Variants in NXPE2 observed in about 807,000 individuals in gnomAD.
The protein encoded by NXPE2 is NXPE family member 2.
A neutral mutation model predicts 34.4 loss-of-function variants in NXPE2; 34 were observed. The observed-to-expected ratio is 0.99, with a 90% CI of 0.75 to 1.31. NXPE2 has a LOEUF of 1.31. Among genes scored for constraint, NXPE2 ranks in the 40% most tolerant of loss-of-function variants. NXPE2 has a pLI of 0.00. For missense variants in NXPE2, 649 were observed against 672.5 expected, an observed-to-expected ratio of 0.97 and a Z score of 0.39; for synonymous variants, 235 against 231.3, an observed-to-expected ratio of 1.02 and a Z score of -0.15.
the NXPE2 span, among the ~76,000 whole-genome samples, chr11:114,547,940 C>T: frequency 6.6e-6 from 1 of 151,762 alleles, no homozygotes; most frequent in African/African-American, 2.4e-5. Flanking sequence ...AATATTCTTA[C>T]AATTTTTCTG....
the NXPE2 span, among the ~76,000 whole-genome samples, chr11:114,503,906 ACTGGCCTCTCCCATGGCCCCAGC>A: frequency 6.6e-6 from 1 of 152,210 alleles, no homozygotes; most frequent in Admixed American, 6.5e-5. Flanking sequence ...TCTTTGGTCT[ACTGGCCTCTCCCATGGCCCCAGC>A]CTGGCCTTGC....
At chr11:114,789,629 A>G in the NXPE2 span, among the ~76,000 whole-genome samples, 2 of 152,298 alleles carry the variant, frequency 1.3e-5, no homozygotes, top group East Asian at 1.9e-4. Context: ...GGGTGGTACA[A>G]TGGGGCAGTG....
At chr11:114,705,182 G>A (rs535977225) in intron 4 of NXPE2, among the ~76,000 whole-genome samples, 4 of 152,242 alleles carry the variant, frequency 2.6e-5, no homozygotes, top group Admixed American at 2.0e-4. Context: ...TTCAGAACAG[G>A]GAGGTCATGA....
At chr11:114,705,688 A>C in intron 4 of NXPE2, 93 bp from the exon 5 acceptor site, 2 of 696,728 alleles carry the variant, frequency 2.9e-6, no homozygotes, top group Admixed American at 7.8e-5. Flanking sequence ...AAGGGGGAGG[A>C]AAAAGAGGAA....
the NXPE2 span, among the ~76,000 whole-genome samples, chr11:114,567,258 C>T: frequency 6.6e-6 from 1 of 152,054 alleles, no homozygotes; most frequent in Non-Finnish European, 1.5e-5. Flanking sequence ...CTTGCATGGG[C>T]ACTCGATTCC....
chr11:114,467,527 T>G, the NXPE2 span, among the ~76,000 whole-genome samples: 1 of 151,516 alleles, frequency 6.6e-6, no homozygotes, highest in Non-Finnish European at 1.5e-5. Context: ...AAATGAGCCC[T>G]GGAAATAGGG....
At chr11:114,611,606 C>G in the NXPE2 span, among the ~76,000 whole-genome samples, 7 of 148,184 alleles carry the variant, frequency 4.7e-5, no homozygotes, top group East Asian at 1.0e-3. Flanking sequence ...GGTCACAATT[C>G]TTACCCTGTG....
chr11:114,610,866 C>A, the NXPE2 span, among the ~76,000 whole-genome samples: 1 of 151,738 alleles, frequency 6.6e-6, no homozygotes, highest in Non-Finnish European at 1.5e-5. Context: ...CACTGTTCCC[C>A]GGGGGAAAAT....
the NXPE2 span, among the ~76,000 whole-genome samples, chr11:114,499,264 G>C: frequency 6.6e-6 from 1 of 152,026 alleles, no homozygotes; most frequent in Admixed American, 6.6e-5. Flanking sequence ...GTTTTCTGTT[G>C]TTTAAATCTG....
At chr11:114,690,957 A>G (rs1001525922) in intron 2 of NXPE2, among the ~76,000 whole-genome samples, 1 of 151,982 alleles carries the variant, frequency 6.6e-6, no homozygotes, top group Admixed American at 6.6e-5. Context: ...TAGTACAGCT[A>G]TGTCATCTTC....
the NXPE2 span, among the ~76,000 whole-genome samples, chr11:114,632,471 T>C: frequency 2.3e-5 from 3 of 128,608 alleles, no homozygotes; most frequent in Non-Finnish European, 4.7e-5. Flanking sequence ...ACATTATATA[T>C]ACTATATAAT....
chr11:114,547,488 A>G, the NXPE2 span, among the ~76,000 whole-genome samples: 1 of 152,216 alleles, frequency 6.6e-6, no homozygotes, highest in Non-Finnish European at 1.5e-5. Context: ...TAATCCCAGC[A>G]CTTTGGGAGG....
At chr11:114,571,325 G>C in the NXPE2 span, 3 of 1,614,026 alleles carry the variant, frequency 1.9e-6, no homozygotes, top group Non-Finnish European at 1.7e-6. Context: ...TGGCCCGGGT[G>C]AGGTACTCCA....
At chr11:114,651,377 T>G in the NXPE2 span, among the ~76,000 whole-genome samples, 3 of 152,104 alleles carry the variant, frequency 2.0e-5, no homozygotes, top group Non-Finnish European at 4.4e-5. Context: ...GGTGGGTTCG[T>G]GGTCTCGTGG....
At chr11:114,575,603 T>C in the NXPE2 span, among the ~76,000 whole-genome samples, 1 of 150,258 alleles carries the variant, frequency 6.7e-6, no homozygotes, top group African/African-American at 2.4e-5. Flanking sequence ...AGCTGTAAAA[T>C]AAAATAAAAT....
chr11:114,481,710 G>T, the NXPE2 span, among the ~76,000 whole-genome samples: 10 of 152,048 alleles, frequency 6.6e-5, no homozygotes, highest in Non-Finnish European at 1.5e-4. Flanking sequence ...TAGTAATTCA[G>T]TTTCCTTTTC....
At chr11:114,538,631 A>C in the NXPE2 span, among the ~76,000 whole-genome samples, 1 of 152,240 alleles carries the variant, frequency 6.6e-6, no homozygotes, top group African/African-American at 2.4e-5. Flanking sequence ...ATATGAACAG[A>C]CACTTCTCAA....
downstream of NXPE2, among the ~76,000 whole-genome samples, chr11:114,711,268 T>A (rs1452640667): frequency 4.6e-5 from 7 of 151,956 alleles, no homozygotes; most frequent in Non-Finnish European, 8.8e-5. Context: ...AACAAAAAAA[T>A]TTTGTTATAT....
Position 114,694,056 on chromosome 11 carries a change from C to T in NXPE2, c.133-3989C>T, listed in dbSNP as rs117799660. Among the ~76,000 whole-genome samples, 53 of 152,322 alleles carry T rather than the reference C, an allele frequency of 3.5e-4. No individual in the cohort carries two copies. The East Asian group carries it at 9.6e-3, about 28-fold the overall frequency. ...AGAGACTCTGTTTTCCTTGGCCTCT[C>T]CATTTTCAGAACAACATGGAGTGAC... On this transcript the variant is annotated intron_variant, in intron 2 of 5. Coordinates refer to ENST00000389586, the MANE Select transcript of NXPE2 (RefSeq NM_182495.6).
Sources: gnomAD v4.1 joint callset for allele counts (sites outside exome capture counted in the v4.1 genomes callset) on GRCh38, gnomAD v4.1.1 for gene constraint, MANE v1.5 for transcripts, NCBI Gene and HGNC (gene_info 2026-07-23, HGNC 2026-07-21) for gene names.